CTNND2: variants seen among roughly 807,000 people sequenced by gnomAD.
CTNND2 encodes catenin delta-2.
A neutral mutation model predicts 144.4 loss-of-function variants in CTNND2; 22 were observed. The observed-to-expected ratio is 0.15, with a 90% CI of 0.11 to 0.22. The LOEUF is 0.22. CTNND2 is among the 10% of genes least tolerant of loss of function. The pLI, the probability that CTNND2 is intolerant of heterozygous loss-of-function variation, is 1.00. For missense variants in CTNND2, 1,353 were observed against 1,618.8 expected, an observed-to-expected ratio of 0.84 and a Z score of 2.82; for synonymous variants, 751 against 695.6, an observed-to-expected ratio of 1.08 and a Z score of -1.25.
chr5:11,624,798 A>T (rs909757218), intron 2 of CTNND2, among the ~76,000 whole-genome samples: 1 of 152,096 alleles, frequency 6.6e-6, no homozygotes, highest in Non-Finnish European at 1.5e-5. Flanking sequence ...ACATTAAGGA[A>T]TTCCAAATTT....
Position 11,897,584 on chromosome 5 carries a change from T to C in CTNND2, c.37+6233A>G, listed in dbSNP as rs540117047. Among the ~76,000 whole-genome samples the C allele has an allele frequency of 1.9e-4, 29 of 152,104 alleles. 1 individual carries two copies. The highest frequency in any genetic ancestry group is 1.3e-4 in the Admixed American group (2 of 15,276). On this transcript the variant is annotated intron_variant, in intron 1 of 21. Coordinates refer to ENST00000304623, the MANE Select transcript of CTNND2 (RefSeq NM_001332.4). ...CTAATTCTCACCACTTACAAAGCGA[T>C]CCAATTATTGGCAGTTAAAGAATAA...
At chr5:11,749,303 T>C (rs985751430) in intron 1 of CTNND2, among the ~76,000 whole-genome samples, 1 of 152,072 alleles carries the variant, frequency 6.6e-6, no homozygotes, top group Non-Finnish European at 1.5e-5. Flanking sequence ...TCTAGGGCAA[T>C]GTGTTATGCA....
At chr5:11,445,528 CCT>C (rs773249778) in intron 3 of CTNND2, among the ~76,000 whole-genome samples, 12 of 152,162 alleles carry the variant, frequency 7.9e-5, no homozygotes, top group Non-Finnish European at 1.8e-4. Context: ...ATGCCAGGTG[CCT>C]CCAGAGGGAC....
intron 9 of CTNND2, among the ~76,000 whole-genome samples, chr5:11,303,043 C>G (rs927870016): frequency 1.3e-5 from 2 of 152,116 alleles, no homozygotes; most frequent in East Asian, 3.9e-4. Flanking sequence ...CATGGTGCCT[C>G]CTATATGTAA....
At chr5:11,215,624 T>C (rs572717419) in intron 10 of CTNND2, among the ~76,000 whole-genome samples, 3 of 152,350 alleles carry the variant, frequency 2.0e-5, no homozygotes, top group African/African-American at 7.2e-5. Context: ...TTATTCATAA[T>C]TCAAAATCTT....
chr5:11,866,928 T>C (rs1307482249), intron 1 of CTNND2, among the ~76,000 whole-genome samples: 3 of 152,234 alleles, frequency 2.0e-5, no homozygotes, highest in Admixed American at 6.5e-5. Flanking sequence ...TCACGAGCAG[T>C]AGATAAGCTG....
At chr5:11,531,674 G>A (rs1773759897) in intron 3 of CTNND2, among the ~76,000 whole-genome samples, 1 of 152,098 alleles carries the variant, frequency 6.6e-6, no homozygotes. Context: ...ATGGCGGATT[G>A]TTATCATAAG....
intron 16 of CTNND2, among the ~76,000 whole-genome samples, chr5:11,031,910 C>T (rs1743518923): frequency 6.6e-6 from 1 of 152,226 alleles, no homozygotes; most frequent in Non-Finnish European, 1.5e-5. Context: ...GCACTGTTGT[C>T]CTTCCCTACT....
In CTNND2 at chr5:11,224,779, T is replaced by C. The variant is rs566183980; in HGVS notation, c.1761+11912A>G. On this transcript the variant is annotated intron_variant, in intron 10 of 21. Coordinates refer to ENST00000304623, the MANE Select transcript of CTNND2 (RefSeq NM_001332.4). Reference sequence around the variant, plus strand: ...CCACTTACTAACATTCTCTTATTTCTGAGTCTTTCTGGTTTACTTCCTAAT... The same window carrying C: ...CCACTTACTAACATTCTCTTATTTCCGAGTCTTTCTGGTTTACTTCCTAAT... 7.9e-5 allele frequency among the ~76,000 whole-genome samples: 12 copies of C among 152,330 alleles called. 1 individual carries two copies. The highest frequency in any genetic ancestry group is 3.4e-3 in the Middle Eastern group (1 of 294).
intron 11 of CTNND2, among the ~76,000 whole-genome samples, chr5:11,184,639 G>A (rs79801181): frequency 2.6e-5 from 4 of 152,252 alleles, no homozygotes; most frequent in Non-Finnish European, 4.4e-5. Context: ...TAAGTTGGCC[G>A]ACTGTCATTT....
chr5:11,508,851 C>T (rs1169441213), intron 3 of CTNND2, among the ~76,000 whole-genome samples: 3 of 151,300 alleles, frequency 2.0e-5, no homozygotes, highest in Non-Finnish European at 4.4e-5. Context: ...GCAGAGGTTG[C>T]GGTGAGCTGA....
At chr5:11,621,052 C>T (rs1399805918) in intron 2 of CTNND2, among the ~76,000 whole-genome samples, 2 of 152,210 alleles carry the variant, frequency 1.3e-5, no homozygotes, top group East Asian at 3.9e-4. Context: ...TCAGGAGTCT[C>T]CTGAAAGAAC....
At chr5:11,812,393 T>C (rs1014998048) in intron 1 of CTNND2, among the ~76,000 whole-genome samples, 1 of 152,170 alleles carries the variant, frequency 6.6e-6, no homozygotes, top group Non-Finnish European at 1.5e-5. Flanking sequence ...CAGGAAACCA[T>C]CCTATGGCTG....
intron 1 of CTNND2, among the ~76,000 whole-genome samples, chr5:11,858,948 A>G (rs1300125587): frequency 1.3e-5 from 2 of 152,232 alleles, no homozygotes; most frequent in Non-Finnish European, 2.9e-5. Flanking sequence ...GTAAGTAAGA[A>G]TAAAACAACA....
intron 2 of CTNND2, among the ~76,000 whole-genome samples, chr5:11,664,928 C>G (rs868128739): frequency 6.6e-6 from 1 of 152,072 alleles, no homozygotes; most frequent in East Asian, 1.9e-4. Context: ...GAAATCACTG[C>G]TTTGAAGAAA....
At chr5:11,001,497 A>G (rs1739958914) in intron 18 of CTNND2, among the ~76,000 whole-genome samples, 1 of 152,038 alleles carries the variant, frequency 6.6e-6, no homozygotes, top group Non-Finnish European at 1.5e-5. Flanking sequence ...TGCCTAATCA[A>G]TGCTAGCTGG....
intron 1 of CTNND2, among the ~76,000 whole-genome samples, chr5:11,813,660 T>A (rs987834288): frequency 3.3e-5 from 5 of 152,216 alleles, no homozygotes; most frequent in African/African-American, 4.8e-5. Flanking sequence ...ACACTTTTTT[T>A]ATTATCTATT....
intron 12 of CTNND2, among the ~76,000 whole-genome samples, chr5:11,149,517 G>A (rs1300706353): frequency 1.3e-5 from 2 of 152,152 alleles, no homozygotes; most frequent in African/African-American, 2.4e-5. Context: ...GTTACCATAA[G>A]AGAAGTGTAA....
chr5:11,357,204 A>G (rs983679971), intron 8 of CTNND2, among the ~76,000 whole-genome samples: 1 of 152,102 alleles, frequency 6.6e-6, no homozygotes, highest in African/African-American at 2.4e-5. Context: ...TTAAATCAGC[A>G]TGTTAAAGAG....
Sources: gnomAD v4.1 joint callset for allele counts (sites outside exome capture counted in the v4.1 genomes callset) on GRCh38, gnomAD v4.1.1 for gene constraint, MANE v1.5 for transcripts, NCBI Gene and HGNC (gene_info 2026-07-23, HGNC 2026-07-21) for gene names.